Variants in ALKAL1 observed in about 807,000 individuals in gnomAD.
The protein encoded by ALKAL1 is AUG-beta.
Under a neutral mutation model 13.5 loss-of-function variants are expected in ALKAL1, and 23 were observed. That is an observed-to-expected ratio of 1.70 (90% CI 1.23 to 2.41). ALKAL1 has a LOEUF of 2.41. Among genes scored for constraint, ALKAL1 ranks in the 30% most tolerant of loss-of-function variants. The pLI is 0.00. For synonymous variants in ALKAL1, 85 were observed against 77.7 expected, an observed-to-expected ratio of 1.09 and a Z score of -0.49; for missense variants, 181 against 178.4, an observed-to-expected ratio of 1.01 and a Z score of -0.08.
At chr8:52,550,061 T>C (rs1252137775) in intron 1 of ALKAL1, among the ~76,000 whole-genome samples, 3 of 152,248 alleles carry the variant, frequency 2.0e-5, no homozygotes, top group Non-Finnish European at 4.4e-5. Flanking sequence ...TATATACTTG[T>C]AAGTGTATAA....
At chr8:52,540,312 A>G (rs578100185) in intron 2 of ALKAL1, among the ~76,000 whole-genome samples, 8 of 152,314 alleles carry the variant, frequency 5.3e-5, no homozygotes, top group Non-Finnish European at 1.0e-4. Context: ...ATGCCAAGAC[A>G]TTTATTCCAT....
intron 2 of ALKAL1, among the ~76,000 whole-genome samples, chr8:52,541,485 T>C (rs905901482): frequency 6.6e-6 from 1 of 152,094 alleles, no homozygotes; most frequent in African/African-American, 2.4e-5. Context: ...AAAAAATTTT[T>C]GGCCGGGCGT....
intron 1 of ALKAL1, among the ~76,000 whole-genome samples, chr8:52,542,690 A>G (rs553831966): frequency 6.6e-6 from 1 of 152,302 alleles, no homozygotes; most frequent in East Asian, 1.9e-4. Flanking sequence ...CACAGCCGCA[A>G]TGGAAGGTCT....
At chr8:52,542,135 C>T (rs1446282046) in intron 2 of ALKAL1, among the ~76,000 whole-genome samples, 5 of 152,208 alleles carry the variant, frequency 3.3e-5, no homozygotes, top group African/African-American at 1.2e-4. Context: ...ACTGTGTCTA[C>T]TACAAGCCGT....
intron 1 of ALKAL1, among the ~76,000 whole-genome samples, chr8:52,559,651 C>T (rs1441553615): frequency 6.6e-6 from 1 of 152,182 alleles, no homozygotes; most frequent in Non-Finnish European, 1.5e-5. Context: ...TCAGCTGGTT[C>T]TGAAACAGAT....
chr8:52,534,541 A>C lies in ALKAL1; in HGVS notation c.*72T>G, dbSNP rs952682220. 1.7e-6 allele frequency: 1 copy of C among 592,608 alleles called. No individual in the cohort carries two copies. Among genetic ancestry groups the C allele is most frequent in the Non-Finnish European group, 3.0e-6 (1 of 337,686 alleles). The allele number at this position is 592,608 out of a possible 1,614,324, so 36.7% of individuals were successfully genotyped here. ...AAAAATATAAATTTCATCTTTTTTT[A>C]CATTTTGCATGATTTGAGGCACTTT... On this transcript the variant is annotated 3_prime_UTR_variant, in exon 5 of 5. Transcript: ENST00000358543.
intron 1 of ALKAL1, among the ~76,000 whole-genome samples, chr8:52,553,638 A>G (rs775852009): frequency 6.6e-6 from 1 of 152,242 alleles, no homozygotes; most frequent in Non-Finnish European, 1.5e-5. Flanking sequence ...CCTATATTAT[A>G]CAATATTATG....
In ALKAL1 at chr8:52,565,163, G is replaced by A; in HGVS notation, c.94C>T (p.Arg32Cys). 7.2e-7 allele frequency: 1 copy of A among 1,388,066 alleles called. No homozygotes were observed. Among genetic ancestry groups the A allele is most frequent in the Admixed American group, 3.3e-5 (1 of 30,382 alleles). The allele number at this position is 1,388,066 out of a possible 1,614,324, so 86.0% of individuals were successfully genotyped here. A position where few individuals can be genotyped will look rare whatever the true frequency, so the allele number is the denominator to read the frequency against. Residue 32 changes from arginine (R) to cysteine (C), a missense_variant, in exon 1 of 5, where the codon CGC becomes TGC. Coordinates refer to ENST00000358543, the MANE Select transcript of ALKAL1 (RefSeq NM_207413.4). ...PHGAHGRPRGRRGARVTDKEP... is the reference protein window; with the variant it reads ...PHGAHGRPRGCRGARVTDKEP... ...TTATCCGTGACGCGCGCTCCCCTGCGCCCCCGGGGCCTCCCGTGGGCTCCG... is the reference window on the plus strand; with the variant it reads ...TTATCCGTGACGCGCGCTCCCCTGCACCCCCGGGGCCTCCCGTGGGCTCCG...
chr8:52,536,966 TA>T (rs1028220858), intron 4 of ALKAL1, among the ~76,000 whole-genome samples: 1 of 152,208 alleles, frequency 6.6e-6, no homozygotes, highest in African/African-American at 2.4e-5. Context: ...TGGGTATTGC[TA>T]AAATAGGCTT....
At chr8:52,539,043 C>T (rs893665108) in intron 3 of ALKAL1, among the ~76,000 whole-genome samples, 2 of 152,066 alleles carry the variant, frequency 1.3e-5, no homozygotes, top group Admixed American at 6.6e-5. Context: ...CCGCTTGCCT[C>T]GGCCTCCCAA....
intron 1 of ALKAL1, among the ~76,000 whole-genome samples, chr8:52,555,750 C>G (rs898673266): frequency 6.6e-6 from 1 of 152,202 alleles, no homozygotes; most frequent in Admixed American, 6.5e-5. Flanking sequence ...CCTGCCGTGC[C>G]TTGGCTTTCC....
intron 1 of ALKAL1, among the ~76,000 whole-genome samples, chr8:52,553,205 G>A (rs1214024821): frequency 6.6e-6 from 1 of 152,040 alleles, no homozygotes; most frequent in Non-Finnish European, 1.5e-5. Flanking sequence ...AAAATGAGCT[G>A]AGCATGGTGG....
intron 1 of ALKAL1, among the ~76,000 whole-genome samples, chr8:52,550,518 T>C (rs1420647096): frequency 6.6e-6 from 1 of 152,194 alleles, no homozygotes; most frequent in Admixed American, 6.5e-5. Flanking sequence ...GAAACGACCA[T>C]ATATTGTGTA....
intron 1 of ALKAL1, among the ~76,000 whole-genome samples, chr8:52,546,022 G>A (rs543427394): frequency 1.1e-3 from 170 of 152,324 alleles, no homozygotes; most frequent in Middle Eastern, 6.8e-3. Context: ...GTAGGTAGCT[G>A]TAACACCATG....
In ALKAL1 at chr8:52,537,755, TA is replaced by T. The variant is rs879662343; in HGVS notation, c.*12+675del. ...AATATTCTCACTCATATGAGGGAGC[TA>T]AAAAAAAAAAAGCTCATAGAAGTAG... On this transcript the variant is annotated intron_variant, in intron 4 of 4. Coordinates refer to ENST00000358543, the MANE Select transcript of ALKAL1 (RefSeq NM_207413.4). Among the ~76,000 whole-genome samples the T allele has an allele frequency of 4.6e-3, 638 of 139,406 alleles. 1 individual carries two copies. Among genetic ancestry groups the T allele is most frequent in the Non-Finnish European group, 4.1e-3 (261 of 63,628 alleles). 91.5% of individuals were successfully genotyped at this position (139,406 alleles called of 152,430 possible). A position where few individuals can be genotyped will look rare whatever the true frequency, so the allele number is the denominator to read the frequency against.
intron 4 of ALKAL1, among the ~76,000 whole-genome samples, chr8:52,538,052 G>T (rs537001909): frequency 6.6e-6 from 1 of 150,972 alleles, no homozygotes; most frequent in South Asian, 2.1e-4. Context: ...TCGCGCCACT[G>T]CACTCCAGCC....
intron 1 of ALKAL1, among the ~76,000 whole-genome samples, chr8:52,548,895 A>G (rs1184605256): frequency 6.6e-6 from 1 of 152,144 alleles, no homozygotes; most frequent in Non-Finnish European, 1.5e-5. Flanking sequence ...GTACATATAT[A>G]TGTTGGCATA....
chr8:52,538,088 C>CG (rs1847279338), intron 4 of ALKAL1, among the ~76,000 whole-genome samples: 1 of 141,250 alleles, frequency 7.1e-6, no homozygotes. Context: ...ACTCTGCCTC[C>CG]GAAAAAAAAA....
At chr8:52,560,757 T>G (rs1394528013) in intron 1 of ALKAL1, among the ~76,000 whole-genome samples, 1 of 146,278 alleles carries the variant, frequency 6.8e-6, no homozygotes, top group African/African-American at 2.4e-5. Flanking sequence ...CTAAGTTAGC[T>G]TTGGCATCTC....
Sources: gnomAD v4.1 joint callset for allele counts (sites outside exome capture counted in the v4.1 genomes callset) on GRCh38, gnomAD v4.1.1 for gene constraint, MANE v1.5 for transcripts, NCBI Gene and HGNC (gene_info 2026-07-23, HGNC 2026-07-21) for gene names.